Variants in PTP4A1 observed in about 807,000 individuals in gnomAD.
PTP4A1 encodes the protein protein tyrosine phosphatase type IVA 1.
Under a neutral mutation model 20.5 loss-of-function variants are expected in PTP4A1, and 9 were observed. The observed-to-expected ratio is 0.44, with a 90% CI of 0.26 to 0.77. PTP4A1 has a LOEUF of 0.77. Ranked by LOEUF, PTP4A1 falls within the 30% of genes least tolerant of loss-of-function variation. The pLI is 0.19. For missense variants in PTP4A1, 137 were observed against 218.8 expected, an observed-to-expected ratio of 0.63 and a Z score of 2.36; for synonymous variants, 78 against 67.4, an observed-to-expected ratio of 1.16 and a Z score of -0.77.
chr6:63,522,736 T>G (rs896212678), intron 1 of PTP4A1, among the ~76,000 whole-genome samples: 1 of 152,136 alleles, frequency 6.6e-6, no homozygotes, highest in Non-Finnish European at 1.5e-5. Flanking sequence ...CTTTCAACAA[T>G]AGGGGAGATA....
At chr6:63,562,387 C>T (rs995715806) in intron 3 of PTP4A1, among the ~76,000 whole-genome samples, 17 of 152,098 alleles carry the variant, frequency 1.1e-4, no homozygotes, top group African/African-American at 4.1e-4. Flanking sequence ...TTAGTAGAGA[C>T]AGCGTTTCTC....
chr6:63,549,653 C>A, intron 2 of PTP4A1: 1 of 477,512 alleles, frequency 2.1e-6, no homozygotes, highest in Non-Finnish European at 3.7e-6. Context: ...CTGTCATTGG[C>A]AGTAACACGG....
At chr6:63,579,117 T>A (rs1778055509) in intron 4 of PTP4A1, 89 bp downstream of exon 4, 2 of 1,397,836 alleles carry the variant, frequency 1.4e-6, no homozygotes, top group South Asian at 3.2e-5. Context: ...TTTTTTAATA[T>A]AAAGTCAACA....
At chr6:63,556,262 G>T (rs771456279) in intron 3 of PTP4A1, among the ~76,000 whole-genome samples, 8 of 151,936 alleles carry the variant, frequency 5.3e-5, no homozygotes, top group Non-Finnish European at 1.2e-4. Flanking sequence ...AGGCTCCAGG[G>T]TGCCTCCTGC....
intron 2 of PTP4A1, among the ~76,000 whole-genome samples, chr6:63,533,761 A>T (rs1305907035): frequency 2.6e-5 from 4 of 152,166 alleles, no homozygotes; most frequent in African/African-American, 4.8e-5. Context: ...TGAGAAATGT[A>T]TGGGGAAGTA....
rs180764675 is a variant in PTP4A1, at chr6:63,548,572, C to T, written c.-639-1728C>T. ...TCTATTCCTCTCTCCAAGCACAGCT[C>T]AGGGTACCAGGGTACATGGTAGAAA... On this transcript the variant is annotated intron_variant, in intron 2 of 3. Transcript: ENST00000639568. 8 of 273,412 alleles carry T rather than the reference C, an allele frequency of 2.9e-5. No individual in the cohort carries two copies. The East Asian group carries it at 6.0e-4, about 20-fold the overall frequency. 16.9% of individuals were successfully genotyped at this position (273,412 alleles called of 1,614,324 possible).
intron 2 of PTP4A1, among the ~76,000 whole-genome samples, chr6:63,543,051 CT>C (rs1776047020): frequency 6.6e-6 from 1 of 152,160 alleles, no homozygotes; most frequent in South Asian, 2.1e-4. Context: ...TATGGCCAAT[CT>C]TTTTTCAACT....
intron 2 of PTP4A1, among the ~76,000 whole-genome samples, 175 bp from the exon 3 acceptor site, chr6:63,578,262 A>G (rs1054324586): frequency 6.6e-6 from 1 of 152,220 alleles, no homozygotes; most frequent in Non-Finnish European, 1.5e-5. Context: ...ATATTCTAGC[A>G]TTGTCACTTA....
intron 2 of PTP4A1, among the ~76,000 whole-genome samples, chr6:63,546,415 A>C (rs1776181416): frequency 1.3e-5 from 2 of 152,226 alleles, no homozygotes; most frequent in South Asian, 4.1e-4. Context: ...TTTAAAGAGT[A>C]CAACATTTGG....
At chr6:63,549,962 G>A (rs1359823018) in intron 2 of PTP4A1, among the ~76,000 whole-genome samples, 2 of 152,052 alleles carry the variant, frequency 1.3e-5, no homozygotes, top group Non-Finnish European at 2.9e-5. Flanking sequence ...GATATTGAAT[G>A]TTCACAACAT....
rs1035510563 is a variant in PTP4A1 at position 63,581,752 on chromosome 6, A to T, written c.*1578A>T. 1 of 152,150 alleles carries T rather than the reference A, an allele frequency of 6.6e-6. No homozygotes were observed. Among genetic ancestry groups the T allele is most frequent in the Non-Finnish European group, 1.5e-5 (1 of 68,004 alleles). The allele number at this position is 152,150 out of a possible 1,614,324, so 9.4% of individuals were successfully genotyped here. ...GCCTTGGTTTGTAAAGCTCAGTTCCACTAGTTCATGGTTTTGTGCAACTTC... is the reference window on the plus strand; with the variant it reads ...GCCTTGGTTTGTAAAGCTCAGTTCCTCTAGTTCATGGTTTTGTGCAACTTC... On this transcript the variant is annotated 3_prime_UTR_variant, in exon 6 of 6. Coordinates refer to ENST00000626021, the MANE Select transcript of PTP4A1 (RefSeq NM_003463.5).
intron 2 of PTP4A1, among the ~76,000 whole-genome samples, chr6:63,537,394 A>T (rs1008365410): frequency 1.3e-5 from 2 of 152,206 alleles, no homozygotes; most frequent in African/African-American, 2.4e-5. Context: ...CCATATTAGT[A>T]ACACCTGGGA....
At chr6:63,559,523 G>A (rs975083102) in intron 3 of PTP4A1, among the ~76,000 whole-genome samples, 4 of 151,982 alleles carry the variant, frequency 2.6e-5, no homozygotes, top group African/African-American at 9.7e-5. Context: ...GAGGTGGGCG[G>A]ATCATGAGGT....
upstream of PTP4A1, among the ~76,000 whole-genome samples, chr6:63,521,357 G>A (rs1215877232): frequency 1.3e-5 from 2 of 152,182 alleles, no homozygotes; most frequent in Non-Finnish European, 2.9e-5. Context: ...TTGTTTAAAA[G>A]TCAGACAGAT....
chr6:63,525,457 G>A (rs990180046), intron 1 of PTP4A1, among the ~76,000 whole-genome samples: 5 of 152,148 alleles, frequency 3.3e-5, no homozygotes, highest in African/African-American at 7.2e-5. Flanking sequence ...GGTTCTTCAC[G>A]CCAGCAGTTC....
chr6:63,572,207 C>G (rs1170216900), upstream of PTP4A1: 1 of 158,512 alleles, frequency 6.3e-6, no homozygotes, highest in African/African-American at 2.4e-5. Context: ...CGGAATCTCT[C>G]TCGCTCCCAC....
upstream of PTP4A1, chr6:63,572,138 T>A (rs1384852174): frequency 6.6e-6 from 1 of 152,566 alleles, no homozygotes; most frequent in Non-Finnish European, 1.5e-5. Flanking sequence ...TGTGCACTCC[T>A]GGACCGTTTT....
intron 3 of PTP4A1, among the ~76,000 whole-genome samples, chr6:63,560,769 G>C (rs111859671): frequency 8.5e-5 from 13 of 152,112 alleles, no homozygotes; most frequent in African/African-American, 3.1e-4. Context: ...CGCTGTAAAA[G>C]TTTTTAAATG....
At chr6:63,559,984 T>C (rs910281224) in intron 3 of PTP4A1, among the ~76,000 whole-genome samples, 1 of 152,092 alleles carries the variant, frequency 6.6e-6, no homozygotes, top group African/African-American at 2.4e-5. Context: ...GAATATATAA[T>C]ATTGTGGAAG....
Sources: gnomAD v4.1 joint callset for allele counts (sites outside exome capture counted in the v4.1 genomes callset) on GRCh38, gnomAD v4.1.1 for gene constraint, MANE v1.5 for transcripts, NCBI Gene and HGNC (gene_info 2026-07-23, HGNC 2026-07-21) for gene names.